The following RASGEF1C variants were observed in gnomAD, a reference collection of about 807,000 sequenced individuals.
RASGEF1C encodes the protein RasGEF domain family member 1C, also known as ras-GEF domain-containing family member 1C.
Under a neutral mutation model 58.1 loss-of-function variants are expected in RASGEF1C, and 27 were observed. The observed-to-expected ratio is 0.46, with a 90% CI of 0.34 to 0.64. The LOEUF is 0.64. Among genes scored for constraint, RASGEF1C ranks in the 30% least tolerant of loss-of-function variants. The pLI is 0.01. For synonymous variants in RASGEF1C, 243 were observed against 246.3 expected (o/e 0.99, Z 0.13); for missense variants, 502 against 605.1 (o/e 0.83, Z 1.79).
At chr5:180,115,367 C>A (rs1766049058) in intron 10 of RASGEF1C, 1 of 392,306 alleles carries the variant, frequency 2.5e-6, no homozygotes, top group Non-Finnish European at 5.0e-6. Context: ...GATGCACTTA[C>A]TGTTAGACCA....
intron 13 of RASGEF1C, 75 bp downstream of exon 13, chr5:180,101,996 C>T (rs974934537): frequency 6.7e-6 from 5 of 744,810 alleles, no homozygotes; most frequent in Non-Finnish European, 1.2e-5. Context: ...CCGGGTCCCA[C>T]CTCGGCGCGA....
In RASGEF1C at chr5:180,198,715, T is replaced by C. The variant is rs538444825; in HGVS notation, c.-7+10313A>G. On this transcript the variant is annotated intron_variant, in intron 1 of 13. Transcript: ENST00000361132. The surrounding 1 kb of genome is among the most constrained non-coding windows in gnomAD (Gnocchi z 4.5). ...CGTTTCAATATATACCAGTCAACAA[T>C]TATGTTTCAACATATAAATTTGTGG... is the stretch of plus-strand genomic sequence containing the variant. Among the ~76,000 whole-genome samples, 1 of 152,320 alleles carries C rather than the reference T, an allele frequency of 6.6e-6. No individual in the cohort carries two copies. Among genetic ancestry groups the C allele is most frequent in the East Asian group, 1.9e-4 (1 of 5,188 alleles).
At chr5:180,127,769 C>A in intron 5 of RASGEF1C, 86 bp from the exon 6 acceptor site, 1 of 1,236,180 alleles carries the variant, frequency 8.1e-7, no homozygotes, top group South Asian at 1.4e-5. Context: ...TGCCCCAGCC[C>A]CTAGTCCTCC....
intron 1 of RASGEF1C, 101 bp from the exon 2 acceptor site, chr5:180,138,159 T>TC: frequency 4.5e-6 from 3 of 665,098 alleles, no homozygotes; most frequent in East Asian, 3.2e-5. Context: ...CTGGGCAGGC[T>TC]CCCCCCACAG....
At chr5:180,125,211 T>C (rs930260002) in intron 6 of RASGEF1C, among the ~76,000 whole-genome samples, 4 of 151,882 alleles carry the variant, frequency 2.6e-5, no homozygotes, top group Non-Finnish European at 5.9e-5. Flanking sequence ...ATATAAACAA[T>C]CAGCTAACAG....
intron 1 of RASGEF1C, among the ~76,000 whole-genome samples, chr5:180,162,051 G>A (rs1402046719): frequency 2.0e-5 from 3 of 152,250 alleles, no homozygotes; most frequent in Non-Finnish European, 4.4e-5. Flanking sequence ...ATGAGGTCCT[G>A]TCTGATCACT....
intron 1 of RASGEF1C, among the ~76,000 whole-genome samples, chr5:180,180,117 C>A (rs898837039): frequency 7.9e-5 from 12 of 152,190 alleles, no homozygotes; most frequent in African/African-American, 2.9e-4. Flanking sequence ...ACCAGCAGCT[C>A]TGGGGGGAAA....
intron 1 of RASGEF1C, among the ~76,000 whole-genome samples, chr5:180,164,589 G>A (rs1581115491): frequency 6.6e-6 from 1 of 152,254 alleles, no homozygotes; most frequent in East Asian, 1.9e-4. Context: ...CTAAGGGTTT[G>A]TTCTAAGATT....
chr5:180,112,982 C>A (rs1227935360), intron 11 of RASGEF1C, among the ~76,000 whole-genome samples: 1 of 138,140 alleles, frequency 7.2e-6, no homozygotes, highest in East Asian at 2.4e-4. Flanking sequence ...ACGGAGGGAC[C>A]GGGGATGGAC....
At chr5:180,133,352 G>A (rs1766402416) in intron 4 of RASGEF1C, among the ~76,000 whole-genome samples, 1 of 152,208 alleles carries the variant, frequency 6.6e-6, no homozygotes, top group Non-Finnish European at 1.5e-5. Flanking sequence ...GCGGGGGAAA[G>A]AGGAAGGTGC....
chr5:180,121,772 G>A (rs890231894), intron 6 of RASGEF1C, among the ~76,000 whole-genome samples: 10 of 151,752 alleles, frequency 6.6e-5, no homozygotes, highest in Non-Finnish European at 1.2e-4. Context: ...TTTCGTGGTC[G>A]TCTGTACACA....
At chr5:180,171,751 C>T (rs964477783) in intron 1 of RASGEF1C, among the ~76,000 whole-genome samples, 28 of 152,378 alleles carry the variant, frequency 1.8e-4, no homozygotes, top group African/African-American at 6.3e-4. Context: ...ACAGCGAATG[C>T]GTAGCAAAAA....
In RASGEF1C at chr5:180,119,433, GCTT is replaced by G; in HGVS notation, c.817_819del (p.Lys273del). 1.2e-6 allele frequency: 2 copies of G among 1,614,076 alleles called. No homozygotes were observed. The highest frequency in any genetic ancestry group is 1.7e-6 in the Non-Finnish European group (2 of 1,179,934). ...AAGAACTCAATCACCTGGGCCCTCT[GCTT>G]CTTCTTGGCTGGCTGGGGACAGGGC... On this transcript the variant is annotated inframe_deletion, in exon 8 of 14. Transcript: ENST00000361132.
chr5:180,174,628 G>GTC (rs35308493), intron 1 of RASGEF1C, among the ~76,000 whole-genome samples: 82,419 of 150,300 alleles, frequency 0.55, 23,232 homozygotes, highest in African/African-American at 0.7. Context: ...CTGTGTGTGT[G>GTC]TGTGTGTGTG....
At chr5:180,106,234 T>G (rs1400494145) in intron 12 of RASGEF1C, among the ~76,000 whole-genome samples, 1 of 152,256 alleles carries the variant, frequency 6.6e-6, no homozygotes, top group East Asian at 1.9e-4. Context: ...ATTTTATTGT[T>G]CTTTTCAAAG....
chr5:180,173,096 C>T (rs1297715187), intron 1 of RASGEF1C, among the ~76,000 whole-genome samples: 2 of 152,228 alleles, frequency 1.3e-5, no homozygotes, highest in Non-Finnish European at 2.9e-5. Flanking sequence ...CTGCAGTTGA[C>T]AAGCCGCCTG....
chr5:180,138,423 A>T (rs1766523981), intron 1 of RASGEF1C: 1 of 179,406 alleles, frequency 5.6e-6, no homozygotes, highest in South Asian at 2.0e-4. Context: ...GGCCACAAAG[A>T]TTGGTTCAGG....
chr5:180,144,855 T>A (rs1325736763), intron 1 of RASGEF1C, among the ~76,000 whole-genome samples: 2 of 152,214 alleles, frequency 1.3e-5, no homozygotes, highest in African/African-American at 4.8e-5. Flanking sequence ...TTCTACATTC[T>A]ATGTATTTTT....
At position 180,121,637 on chromosome 5, in the gene RASGEF1C, T is replaced by TCACACACA. The variant is rs762495633; in HGVS notation, c.715-496_715-489dup. Reference sequence around the variant, plus strand: ...TAAAAATACATTTTAAAATGTAACTTCACACACACACACACACACACACAC... The same window carrying TCACACACA: ...TAAAAATACATTTTAAAATGTAACTTCACACACACACACACACACACACACACACACAC... On this transcript the variant is annotated intron_variant, in intron 6 of 13. Transcript: ENST00000361132. Among the ~76,000 whole-genome samples, 747 of 113,328 alleles carry TCACACACA rather than the reference T, an allele frequency of 6.6e-3. 6 individuals carry two copies. The highest frequency in any genetic ancestry group is 0.017 in the Middle Eastern group (4 of 240). 74.3% of individuals were successfully genotyped at this position (113,328 alleles called of 152,430 possible).
Sources: allele counts gnomAD v4.1 joint callset (sites outside exome capture counted in the v4.1 genomes callset), GRCh38; gene constraint gnomAD v4.1.1; non-coding constraint Gnocchi (gnomAD v3.1); transcripts MANE v1.5; gene names NCBI Gene and HGNC (gene_info 2026-07-23, HGNC 2026-07-21).